HDAC4: variants seen among roughly 807,000 people sequenced by gnomAD.
HDAC4 encodes histone deacetylase 4, also known as histone deacetylase A.
HDAC4 carries 16 observed loss-of-function variants against 135.1 expected under a neutral mutation model. That is an observed-to-expected ratio of 0.12 (90% CI 0.08 to 0.18). The LOEUF is 0.18. Among genes scored for constraint, HDAC4 ranks in the 10% least tolerant of loss-of-function variants. HDAC4 has a pLI of 1.00. For missense variants in HDAC4, 1,143 were observed against 1,511.8 expected (o/e 0.76, Z 4.05); for synonymous variants, 685 against 653.4 (o/e 1.05, Z -0.74).
At chr2:239,249,134 G>A (rs975309436) in intron 2 of HDAC4, among the ~76,000 whole-genome samples, 8 of 152,228 alleles carry the variant, frequency 5.3e-5, no homozygotes, top group African/African-American at 1.7e-4. Flanking sequence ...AGGACATGTG[G>A]GATCAACGAT....
At chr2:239,258,551 A>C (rs1309501724) in intron 2 of HDAC4, among the ~76,000 whole-genome samples, 1 of 152,210 alleles carries the variant, frequency 6.6e-6, no homozygotes, top group Non-Finnish European at 1.5e-5. Flanking sequence ...GTAACTGTCA[A>C]ACTAGAATCC....
intron 22 of HDAC4, among the ~76,000 whole-genome samples, chr2:239,074,661 A>C (rs1037749376): frequency 6.6e-6 from 1 of 152,250 alleles, no homozygotes; most frequent in Non-Finnish European, 1.5e-5. Context: ...CCTGCTAGAC[A>C]TAAGAAGGTC....
At chr2:239,165,394 G>A (rs1332164064) in intron 5 of HDAC4, among the ~76,000 whole-genome samples, 2 of 152,148 alleles carry the variant, frequency 1.3e-5, no homozygotes, top group East Asian at 1.9e-4. Context: ...CTGGACACGC[G>A]CCGATTTCCT....
chr2:239,095,783 C>T (rs1328365119), intron 16 of HDAC4, among the ~76,000 whole-genome samples: 5 of 152,192 alleles, frequency 3.3e-5, no homozygotes, highest in East Asian at 3.9e-4. Flanking sequence ...GCTGAATGCA[C>T]GTCACCAGCT....
rs1235555447 is a variant in HDAC4 at position 239,060,609 on chromosome 2, G to A, written c.3004-5776C>T. 2.0e-5 allele frequency among the ~76,000 whole-genome samples: 3 copies of A among 152,322 alleles called. No individual in the cohort carries two copies. In the East Asian group the frequency reaches 5.8e-4, roughly 29 times the overall value. Reference sequence around the variant, plus strand: ...GGGCAACAATGCCAAGTGCTGCTGAGGTCTGGTCACGCCACTGCTGAAGAC... The same window carrying A: ...GGGCAACAATGCCAAGTGCTGCTGAAGTCTGGTCACGCCACTGCTGAAGAC... On this transcript the variant is annotated intron_variant, in intron 24 of 26. Transcript: ENST00000543185.
intron 2 of HDAC4, among the ~76,000 whole-genome samples, chr2:239,252,313 C>A (rs926785340): frequency 6.6e-6 from 1 of 152,220 alleles, no homozygotes; most frequent in Non-Finnish European, 1.5e-5. Flanking sequence ...GCTCTCCAAC[C>A]TTGCAGGACT....
At chr2:239,314,483 C>A (rs903917994) in intron 2 of HDAC4, among the ~76,000 whole-genome samples, 1 of 152,192 alleles carries the variant, frequency 6.6e-6, no homozygotes, top group Non-Finnish European at 1.5e-5. Flanking sequence ...AGAGCCCACA[C>A]TCTCCCTGGA....
At chr2:239,185,861 T>A (rs2044518214) in intron 4 of HDAC4, among the ~76,000 whole-genome samples, 1 of 151,982 alleles carries the variant, frequency 6.6e-6, no homozygotes, top group Non-Finnish European at 1.5e-5. Flanking sequence ...GAAAAACCCA[T>A]CTCTACCAAA....
In HDAC4 at chr2:239,240,139, G is replaced by A. The variant is rs796671303; in HGVS notation, c.23-3475C>T. ...AAAGGCGTTTTGCCAGAGGTGGCTG[G>A]TGGAACACAATCCTGGGGGTAAAGC... On this transcript the variant is annotated intron_variant, in intron 2 of 26. Transcript: ENST00000543185. The surrounding 1 kb of genome is among the most constrained non-coding windows in gnomAD (Gnocchi z 4.5). Among the ~76,000 whole-genome samples, 7 of 152,402 alleles carry A rather than the reference G, an allele frequency of 4.6e-5. 1 individual carries two copies. The highest frequency in any genetic ancestry group is 1.7e-4 in the African/African-American group (7 of 41,608).
At chr2:239,159,988 A>C (rs113060946) in intron 6 of HDAC4, among the ~76,000 whole-genome samples, 100 of 152,392 alleles carry the variant, frequency 6.6e-4, no homozygotes, top group Non-Finnish European at 1.2e-3. Context: ...TGACTGTAGA[A>C]TAAAGCTTCA....
At chr2:239,377,781 G>T (rs753393304) in intron 1 of HDAC4, among the ~76,000 whole-genome samples, 1 of 152,122 alleles carries the variant, frequency 6.6e-6, no homozygotes, top group Admixed American at 6.5e-5. Context: ...ATGCAAGACG[G>T]ACATCTCAGA....
intron 1 of HDAC4, among the ~76,000 whole-genome samples, chr2:239,387,019 G>A (rs975965247): frequency 1.3e-5 from 2 of 152,280 alleles, no homozygotes; most frequent in African/African-American, 4.8e-5. Flanking sequence ...GTGAGCACGT[G>A]TGTGCAGATG....
At chr2:239,393,972 C>T (rs374310220) in intron 1 of HDAC4, among the ~76,000 whole-genome samples, 1 of 151,586 alleles carries the variant, frequency 6.6e-6, no homozygotes, top group South Asian at 2.1e-4. Flanking sequence ...GACCACCCCC[C>T]CTCCACCCCC....
rs2031136809 is a variant in HDAC4, at chr2:239,053,151, A to C, written c.3231-15T>G. 6.2e-7 allele frequency: 1 copy of C among 1,614,108 alleles called. No homozygotes were observed. Among genetic ancestry groups the C allele is most frequent in the South Asian group, 1.1e-5 (1 of 91,082 alleles). On this transcript the variant is annotated splice_polypyrimidine_tract_variant and intron_variant, in intron 26 of 26. Transcript: ENST00000543185. ...CCTCATCTGGTCTGTGGATCCCGCA[A>C]GAGAAGGAGATGGGGGCGTGGGGCA...
At chr2:239,122,461 C>T (rs2039776059) in intron 12 of HDAC4, among the ~76,000 whole-genome samples, 1 of 152,238 alleles carries the variant, frequency 6.6e-6, no homozygotes, top group Non-Finnish European at 1.5e-5. Flanking sequence ...GTTCCAAGGT[C>T]CACTCGCCCT....
rs531146431 is a variant in HDAC4 at position 239,376,302 on chromosome 2, G to A, written c.-219-23384C>T. 2.2e-3 allele frequency among the ~76,000 whole-genome samples: 335 copies of A among 151,568 alleles called. 2 individuals are homozygous for A. The highest frequency in any genetic ancestry group is 7.9e-3 in the African/African-American group (324 of 41,264). On this transcript the variant is annotated intron_variant, in intron 1 of 26. Coordinates refer to ENST00000543185, the MANE Select transcript of HDAC4 (RefSeq NM_001378414.1). ...CTCCACCATCCAAACACCAAGGAAG[G>A]TGCTGTGTGCTCACAACCCTCCACC...
intron 3 of HDAC4, among the ~76,000 whole-genome samples, chr2:239,224,954 C>T (rs894704528): frequency 6.6e-6 from 1 of 152,182 alleles, no homozygotes; most frequent in Non-Finnish European, 1.5e-5. Flanking sequence ...TCTTCTCACA[C>T]ATATATTAAA....
chr2:239,061,754 A>C (rs1352887701), intron 24 of HDAC4, among the ~76,000 whole-genome samples: 1 of 152,238 alleles, frequency 6.6e-6, no homozygotes, highest in East Asian at 1.9e-4. Context: ...ACAAAGCATC[A>C]GGACATAACT....
intron 5 of HDAC4, among the ~76,000 whole-genome samples, chr2:239,173,636 T>C (rs74895804): frequency 0.013 from 2,021 of 152,308 alleles, 31 homozygotes; most frequent in African/African-American, 0.044. Context: ...GACCACAATT[T>C]GATACTATAT....
Sources: allele counts gnomAD v4.1 joint callset (sites outside exome capture counted in the v4.1 genomes callset), GRCh38; gene constraint gnomAD v4.1.1; non-coding constraint Gnocchi (gnomAD v3.1); transcripts MANE v1.5; gene names NCBI Gene and HGNC (gene_info 2026-07-23, HGNC 2026-07-21).